Variants in CNTNAP2 observed in about 807,000 individuals in gnomAD.
The protein encoded by CNTNAP2 is contactin associated protein 2.
A neutral mutation model predicts 155.2 loss-of-function variants in CNTNAP2; 98 were observed. The ratio of observed to expected loss-of-function variants is 0.63; its 90% confidence interval spans 0.54 to 0.75. The LOEUF (loss-of-function observed/expected upper bound fraction) is 0.75. Ranked by LOEUF, CNTNAP2 falls within the 30% of genes least tolerant of loss-of-function variation. The pLI is 0.00. For synonymous variants in CNTNAP2, 651 were observed against 631.2 expected (o/e 1.03, Z -0.47); for missense variants, 1,727 against 1,688.1 (o/e 1.02, Z -0.40).
chr7:147,376,581 A>AT (rs377609794), intron 9 of CNTNAP2, among the ~76,000 whole-genome samples: 1 of 151,788 alleles, frequency 6.6e-6, no homozygotes, highest in Non-Finnish European at 1.5e-5. Flanking sequence ...GTCTTAAAAT[A>AT]TTTTTTGACA....
At position 146,620,165 on chromosome 7, in the gene CNTNAP2, G is replaced by A. The variant is rs111243955; in HGVS notation, c.98-154106G>A. Among the ~76,000 whole-genome samples the A allele has an allele frequency of 6.6e-3, 998 of 152,180 alleles. 8 individuals carry two copies. Among genetic ancestry groups the A allele is most frequent in the African/African-American group, 0.022 (928 of 41,500 alleles). On this transcript the variant is annotated intron_variant, in intron 1 of 23. Coordinates refer to ENST00000361727, the MANE Select transcript of CNTNAP2 (RefSeq NM_014141.6). ...AAATGATCAAGAGTAATCATTTAGC[G>A]AAGACTTTGAGTTGTCTCCATAAAA...
chr7:147,702,506 T>G (rs1796250665), intron 13 of CNTNAP2, among the ~76,000 whole-genome samples: 1 of 152,006 alleles, frequency 6.6e-6, no homozygotes, highest in Non-Finnish European at 1.5e-5. Context: ...TTTAAAAGTA[T>G]AGTGGTCCTC....
At chr7:147,346,715 AGACT>A (rs1335981827) in intron 9 of CNTNAP2, among the ~76,000 whole-genome samples, 10 of 152,224 alleles carry the variant, frequency 6.6e-5, no homozygotes, top group Non-Finnish European at 1.2e-4. Context: ...TAAAATTTAT[AGACT>A]GACATTTTGT....
intron 13 of CNTNAP2, among the ~76,000 whole-genome samples, chr7:147,738,884 A>C (rs1052125602): frequency 2.0e-5 from 3 of 151,672 alleles, no homozygotes; most frequent in South Asian, 4.2e-4. Context: ...TGAACTCCTG[A>C]CCTCAACTGG....
At chr7:148,343,423 T>G (rs533994194) in intron 21 of CNTNAP2, among the ~76,000 whole-genome samples, 1 of 152,368 alleles carries the variant, frequency 6.6e-6, no homozygotes, top group African/African-American at 2.4e-5. Context: ...CTGTTCATCT[T>G]CAGTACAGGA....
At chr7:146,276,707 C>T (rs1281526000) in intron 1 of CNTNAP2, among the ~76,000 whole-genome samples, 2 of 152,156 alleles carry the variant, frequency 1.3e-5, no homozygotes, top group Non-Finnish European at 2.9e-5. Flanking sequence ...TCATGTGACT[C>T]TGTGCCTTGA....
At chr7:147,589,777 G>A (rs757239276) in intron 12 of CNTNAP2, among the ~76,000 whole-genome samples, 5 of 152,050 alleles carry the variant, frequency 3.3e-5, no homozygotes, top group African/African-American at 7.2e-5. Context: ...TATTCCAAAG[G>A]TGCATGAGTA....
intron 1 of CNTNAP2, among the ~76,000 whole-genome samples, chr7:146,126,713 T>G (rs1381065590): frequency 6.6e-6 from 1 of 152,240 alleles, no homozygotes; most frequent in African/African-American, 2.4e-5. Context: ...TTTTGAGTAT[T>G]CATTTCATAC....
chr7:147,761,993 A>G (rs1247770263), intron 13 of CNTNAP2, among the ~76,000 whole-genome samples: 1 of 152,200 alleles, frequency 6.6e-6, no homozygotes, highest in Non-Finnish European at 1.5e-5. Context: ...GTATATTCAT[A>G]TACTAACTCC....
intron 1 of CNTNAP2, among the ~76,000 whole-genome samples, chr7:146,739,484 T>C (rs1585067629): frequency 6.6e-6 from 1 of 152,054 alleles, no homozygotes; most frequent in Admixed American, 6.5e-5. Flanking sequence ...TCAATCAAAC[T>C]ATTGATTTCT....
intron 1 of CNTNAP2, among the ~76,000 whole-genome samples, chr7:146,362,915 C>T (rs190066378): frequency 3.3e-5 from 5 of 151,924 alleles, no homozygotes; most frequent in Admixed American, 6.5e-5. Flanking sequence ...GGACTACAGG[C>T]GTGTGCCACC....
Position 147,001,018 on chromosome 7 carries a change from T to C in CNTNAP2, c.403-42889T>C, listed in dbSNP as rs866895342. 2.0e-5 allele frequency among the ~76,000 whole-genome samples: 3 copies of C among 152,078 alleles called. 1 individual carries two copies. The highest frequency in any genetic ancestry group is 7.2e-5 in the African/African-American group (3 of 41,430). ...ATGCTGGTTTTTACTGTGGTGGGCCTGGTATTTGTGTCCAAGGCAAAGTTC... is the reference window on the plus strand; with the variant it reads ...ATGCTGGTTTTTACTGTGGTGGGCCCGGTATTTGTGTCCAAGGCAAAGTTC... On this transcript the variant is annotated intron_variant, in intron 3 of 23. Coordinates refer to ENST00000361727, the MANE Select transcript of CNTNAP2 (RefSeq NM_014141.6).
chr7:148,174,566 G>A (rs1353731795), intron 18 of CNTNAP2, among the ~76,000 whole-genome samples: 3 of 152,146 alleles, frequency 2.0e-5, no homozygotes, highest in South Asian at 2.1e-4. Flanking sequence ...GGAAAACATC[G>A]CTAATATTTT....
chr7:147,414,049 C>A lies in CNTNAP2; in HGVS notation c.1670+18269C>A, dbSNP rs147943510. Among the ~76,000 whole-genome samples the A allele has an allele frequency of 1.6e-3, 236 of 152,244 alleles. 3 individuals carry two copies. The highest frequency in any genetic ancestry group is 5.2e-3 in the African/African-American group (217 of 41,534). ...GTACTTCTGTTTCTCACTTGTATCA[C>A]CTGTTATCTTTGGAGTGTCATGTTT... On this transcript the variant is annotated intron_variant, in intron 10 of 23. Transcript: ENST00000361727.
At chr7:148,347,142 A>G (rs1349968004) in intron 21 of CNTNAP2, among the ~76,000 whole-genome samples, 1 of 152,110 alleles carries the variant, frequency 6.6e-6, no homozygotes, top group Non-Finnish European at 1.5e-5. Flanking sequence ...CTGTAATCCC[A>G]GCTACTTGGG....
chr7:147,671,508 G>A (rs7779521), intron 13 of CNTNAP2, among the ~76,000 whole-genome samples: 1 of 151,100 alleles, frequency 6.6e-6, no homozygotes, highest in African/African-American at 2.4e-5. Flanking sequence ...CTGAGAAAAA[G>A]AAATTTTTTT....
At chr7:146,798,093 G>T (rs562147225) in intron 2 of CNTNAP2, among the ~76,000 whole-genome samples, 14 of 151,978 alleles carry the variant, frequency 9.2e-5, no homozygotes, top group Admixed American at 2.6e-4. Flanking sequence ...GGACAACATG[G>T]CAAAAACTGT....
intron 1 of CNTNAP2, among the ~76,000 whole-genome samples, chr7:146,442,824 C>T (rs1796339386): frequency 6.6e-6 from 1 of 152,112 alleles, no homozygotes; most frequent in African/African-American, 2.4e-5. Context: ...ACTAAGCATT[C>T]TTCTTGTCTT....
At chr7:146,620,653 T>C (rs1799302113) in intron 1 of CNTNAP2, among the ~76,000 whole-genome samples, 1 of 152,146 alleles carries the variant, frequency 6.6e-6, no homozygotes, top group South Asian at 2.1e-4. Flanking sequence ...CCACATGTAT[T>C]ATGCAACATT....
Sources: gnomAD v4.1 joint callset for allele counts (sites outside exome capture counted in the v4.1 genomes callset) on GRCh38, gnomAD v4.1.1 for gene constraint, MANE v1.5 for transcripts, NCBI Gene and HGNC (gene_info 2026-07-23, HGNC 2026-07-21) for gene names.